The following MGAM variants were observed in gnomAD, a reference collection of about 807,000 sequenced individuals.
The protein encoded by MGAM is maltase-glucoamylase, also known as alpha-1,4-glucosidase.
Under a neutral mutation model 358.8 loss-of-function variants are expected in MGAM, and 253 were observed. The ratio of observed to expected loss-of-function variants is 0.71; its 90% confidence interval spans 0.64 to 0.78. MGAM has a LOEUF of 0.78. Ranked by LOEUF, MGAM falls within the 30% of genes least tolerant of loss-of-function variation. MGAM has a pLI of 0.00. For missense variants in MGAM, 3,080 were observed against 3,432.6 expected (o/e 0.90, Z 2.57); for synonymous variants, 1,105 against 1,227.1 (o/e 0.90, Z 2.08).
chr7:142,012,370 G>A (rs1051269888), intron 3 of MGAM, among the ~76,000 whole-genome samples: 1 of 152,288 alleles, frequency 6.6e-6, no homozygotes, highest in South Asian at 2.1e-4. Context: ...GACAGCAAGA[G>A]ACAGCCCACT....
chr7:141,996,767 T>C (rs1804268862), intron 1 of MGAM, among the ~76,000 whole-genome samples: 1 of 152,126 alleles, frequency 6.6e-6, no homozygotes, highest in Non-Finnish European at 1.5e-5. Context: ...TTTTAGGGGA[T>C]AGTCTGAGGA....
At chr7:142,103,237 A>C (rs1308963035) in intron 69 of MGAM, 32 bp from the exon 70 acceptor site, 2 of 1,517,762 alleles carry the variant, frequency 1.3e-6, no homozygotes, top group South Asian at 1.3e-5. Context: ...TAATTCTGCT[A>C]TTATATTTTT....
chr7:142,102,541 T>G, intron 68 of MGAM, 89 bp from the exon 69 acceptor site: 1 of 1,212,432 alleles, frequency 8.2e-7, no homozygotes, highest in Non-Finnish European at 1.2e-6. Flanking sequence ...ACAAGACAAG[T>G]AGGCAATTAG....
intron 19 of MGAM, among the ~76,000 whole-genome samples, chr7:142,039,019 A>C (rs1431812834): frequency 1.3e-5 from 2 of 151,968 alleles, no homozygotes; most frequent in East Asian, 1.9e-4. Flanking sequence ...CAGGAAGCTT[A>C]CAGTCATGGA....
At chr7:142,052,705 A>G (rs1585016469) in intron 25 of MGAM, 79 bp from the exon 26 acceptor site, 8 of 1,531,112 alleles carry the variant, frequency 5.2e-6, no homozygotes, top group East Asian at 2.3e-5. Flanking sequence ...ATATAAAATG[A>G]CTTTACTAAC....
chr7:142,062,047 G>A (rs2129041095), intron 34 of MGAM, among the ~76,000 whole-genome samples: 1 of 152,278 alleles, frequency 6.6e-6, no homozygotes, highest in East Asian at 1.9e-4. Context: ...GTTACACACA[G>A]CTGTAGTTGT....
chr7:142,032,892 A>T lies in MGAM; in HGVS notation c.1652A>T (p.Asn551Ile). 6.2e-7 allele frequency: 1 copy of T among 1,609,112 alleles called. No homozygotes were observed. Among genetic ancestry groups the T allele is most frequent in the South Asian group, 1.1e-5 (1 of 90,424 alleles). ...VSGCSTNNLN[N>I]PPFTPRILDG... ...GGATGTTCCACAAACAACCTAAATA[A>T]TCCCCCATTCACTCCCAGTAAGTCT... The change falls in exon 14 of 71, where the codon AAT becomes ATT. Residue 551 changes from asparagine to isoleucine, a missense_variant. Physicochemically the swap from Asn to Ile is moderately radical, Grantham distance 149. Transcript: ENST00000475668.
chr7:142,046,241 G>C (rs999245364), intron 21 of MGAM, among the ~76,000 whole-genome samples: 1 of 150,274 alleles, frequency 6.7e-6, no homozygotes, highest in Non-Finnish European at 1.5e-5. Context: ...AAGAACAGTT[G>C]TATACTCTGT....
chr7:141,995,842 C>T (rs1174232337), upstream of MGAM: 4 of 152,178 alleles, frequency 2.6e-5, no homozygotes, highest in African/African-American at 9.7e-5. Context: ...GTTACCAGAT[C>T]TTTGGTTGCT....
intron 34 of MGAM, 35 bp from the exon 35 acceptor site, chr7:142,062,533 G>T: frequency 7.2e-6 from 11 of 1,527,544 alleles, no homozygotes; most frequent in Non-Finnish European, 9.7e-6. Context: ...TTCTATATTT[G>T]TGTGGGACAA....
chr7:142,071,666 C>A (rs1256797038), intron 44 of MGAM, among the ~76,000 whole-genome samples: 1 of 145,784 alleles, frequency 6.9e-6, no homozygotes, highest in Non-Finnish European at 1.6e-5. Flanking sequence ...TTTCTTTACT[C>A]TTGAATCACT....
intron 70 of MGAM, 110 bp downstream of exon 70, chr7:142,103,549 G>C: frequency 9.2e-7 from 1 of 1,089,948 alleles, no homozygotes; most frequent in Non-Finnish European, 1.2e-6. Context: ...GGCCCTCCGG[G>C]AATCCCTGAG....
chr7:142,036,737 G>A, intron 17 of MGAM, 86 bp from the exon 18 acceptor site: 3 of 1,411,584 alleles, frequency 2.1e-6, no homozygotes, highest in Non-Finnish European at 2.9e-6. Flanking sequence ...GAAATTCTTG[G>A]TTGTAATGAA....
At chr7:142,095,252 G>T (rs1459707696) in intron 63 of MGAM, among the ~76,000 whole-genome samples, 2 of 152,158 alleles carry the variant, frequency 1.3e-5, no homozygotes. Flanking sequence ...CTTATAAATT[G>T]TTAAGCCCAT....
At position 142,092,508 on chromosome 7, in the gene MGAM, T is replaced by C. The variant is rs1815485453; in HGVS notation, c.6946-13T>C. On this transcript the variant is annotated splice_polypyrimidine_tract_variant and intron_variant, in intron 58 of 70. Transcript: ENST00000475668. Reference sequence around the variant, plus strand: ...CTTAAAAAGTGAGGTATGTCTGTGTTTGGCATTTCTAGGATATGAATGAAC... The same window carrying C: ...CTTAAAAAGTGAGGTATGTCTGTGTCTGGCATTTCTAGGATATGAATGAAC... The C allele has an allele frequency of 6.5e-7, 1 of 1,536,420 alleles. No homozygotes were observed. Among genetic ancestry groups the C allele is most frequent in the Admixed American group, 1.8e-5 (1 of 56,516 alleles).
At position 142,065,401 on chromosome 7, in the gene MGAM, C is replaced by T. The variant is rs2129043656; in HGVS notation, c.4551C>T (p.Gly1517=). The T allele has an allele frequency of 1.2e-6, 2 of 1,610,536 alleles. No individual in the cohort carries two copies. The highest frequency in any genetic ancestry group is 8.5e-7 in the Non-Finnish European group (1 of 1,178,396). ...CCCGCTCCACATTTCCCTCTTCTGG[C>T]CGCTGGGCAGGACATTGGCTGGGAG... is the stretch of plus-strand genomic sequence containing the variant. ...VITRSTFPSS[G]RWAGHWLGDN... is the part of the protein sequence containing the mutation. Residue 1517 remains glycine (G), a synonymous_variant, in exon 38 of 71, where the codon GGC becomes GGT. Coordinates refer to ENST00000475668, the MANE Select transcript of MGAM (RefSeq NM_001365693.1).
chr7:142,088,691 TATCTATCC>T (rs1227397716), intron 57 of MGAM, among the ~76,000 whole-genome samples: 7 of 138,194 alleles, frequency 5.1e-5, no homozygotes, highest in South Asian at 2.4e-4. Flanking sequence ...TCTATCTATC[TATCTATCC>T]ATCCAGCCAC....
At chr7:142,058,031 C>G (rs1811727190) in intron 30 of MGAM, among the ~76,000 whole-genome samples, 172 bp from the exon 31 acceptor site, 1 of 152,160 alleles carries the variant, frequency 6.6e-6, no homozygotes, top group Non-Finnish European at 1.5e-5. Flanking sequence ...TCAAGTCTAG[C>G]AGAAAGCTTT....
chr7:142,080,932 A>C lies in MGAM; in HGVS notation c.5989A>C (p.Thr1997Pro). ...PFGIEIRRKS[T>P]GTIIWDSQLL... ...TGGGATTGAAATTCGCCGGAAGAGT[A>C]CAGGCACTATAATGTGAGTGGCTTC... The change falls in exon 50 of 71, where the codon ACA (threonine) becomes CCA (proline). Residue 1997 changes from threonine to proline, a missense_variant. Physicochemically the swap from Thr to Pro is conservative, Grantham distance 38. Coordinates refer to ENST00000475668, the MANE Select transcript of MGAM (RefSeq NM_001365693.1). 7 of 1,555,092 alleles carry C rather than the reference A, an allele frequency of 4.5e-6. No individual in the cohort carries two copies. Among genetic ancestry groups the C allele is most frequent in the Non-Finnish European group, 4.4e-6 (5 of 1,131,874 alleles).
Sources: gnomAD v4.1 joint callset for allele counts (sites outside exome capture counted in the v4.1 genomes callset) on GRCh38, gnomAD v4.1.1 for gene constraint, MANE v1.5 for transcripts, NCBI Gene and HGNC (gene_info 2026-07-23, HGNC 2026-07-21) for gene names.